Variants in TPTE observed in about 807,000 individuals in gnomAD.
TPTE encodes putative tyrosine-protein phosphatase TPTE.
A neutral mutation model predicts 84.1 loss-of-function variants in TPTE; 59 were observed. That is an observed-to-expected ratio of 0.70 (90% CI 0.57 to 0.87). TPTE has a LOEUF of 0.87. Ranked by LOEUF, TPTE falls within the 40% of genes least tolerant of loss-of-function variation. The pLI is 0.00. For synonymous variants in TPTE, 130 were observed against 223.5 expected, an observed-to-expected ratio of 0.58 and a Z score of 3.73; for missense variants, 382 against 659.6, an observed-to-expected ratio of 0.58 and a Z score of 4.61.
intron 7 of TPTE, among the ~76,000 whole-genome samples, chr21:10,548,689 TAGC>T (rs1205616873): frequency 6.6e-6 from 1 of 152,302 alleles, no homozygotes; most frequent in African/African-American, 2.4e-5. Context: ...CAGTCCAGCT[TAGC>T]AGCTATGCAC....
At chr21:10,563,791 T>TA (rs1568976487) in intron 10 of TPTE, among the ~76,000 whole-genome samples, 1 of 152,308 alleles carries the variant, frequency 6.6e-6, no homozygotes, top group African/African-American at 2.4e-5. Flanking sequence ...AGTCCTTACT[T>TA]ATCAGTAATA....
chr21:10,569,841 A>G, intron 13 of TPTE, 95 bp downstream of exon 13: 2 of 1,611,384 alleles, frequency 1.2e-6, no homozygotes, highest in Non-Finnish European at 8.5e-7. Context: ...TTCATTCAAA[A>G]TATTCTTTAT....
intron 3 of TPTE, among the ~76,000 whole-genome samples, chr21:10,536,690 A>G (rs1193649645): frequency 7.9e-5 from 12 of 152,422 alleles, no homozygotes; most frequent in Admixed American, 1.3e-4. Context: ...TACACTGTTT[A>G]TAAACCTCCT....
intron 17 of TPTE, among the ~76,000 whole-genome samples, chr21:10,579,143 C>G (rs1331040505): frequency 6.6e-6 from 1 of 152,304 alleles, no homozygotes; most frequent in East Asian, 1.9e-4. Flanking sequence ...TTCAAGTATA[C>G]ATTATTATTA....
At chr21:10,583,705 T>G (rs2075309154) in intron 17 of TPTE, among the ~76,000 whole-genome samples, 1 of 152,306 alleles carries the variant, frequency 6.6e-6, no homozygotes, top group Non-Finnish European at 1.5e-5. Flanking sequence ...GGTTCATTCC[T>G]TTTAAAATTG....
At chr21:10,548,049 A>T (rs1324943291) in intron 7 of TPTE, among the ~76,000 whole-genome samples, 1 of 152,306 alleles carries the variant, frequency 6.6e-6, no homozygotes, top group Non-Finnish European at 1.5e-5. Flanking sequence ...TGGCGTGCCC[A>T]GTAGCCCTCT....
At chr21:10,534,859 A>G (rs1242013118) in intron 3 of TPTE, among the ~76,000 whole-genome samples, 2 of 152,310 alleles carry the variant, frequency 1.3e-5, no homozygotes, top group African/African-American at 4.8e-5. Flanking sequence ...CTAGTAGCTA[A>G]AACTTTCAGA....
intron 7 of TPTE, among the ~76,000 whole-genome samples, chr21:10,545,510 C>T (rs553716076): frequency 4.9e-4 from 75 of 152,386 alleles, no homozygotes; most frequent in African/African-American, 1.7e-3. Context: ...AGCACTGGCC[C>T]GGATAAAATG....
chr21:10,545,635 T>TACACAC (rs3049867), intron 7 of TPTE, among the ~76,000 whole-genome samples: 2,395 of 150,548 alleles, frequency 0.016, 1 homozygote, highest in East Asian at 0.041. Flanking sequence ...AGGATCTATC[T>TACACAC]ACACACACAC....
intron 3 of TPTE, 33 bp from the exon 4 acceptor site, chr21:10,538,648 C>T (rs1354210605): frequency 5.0e-6 from 8 of 1,613,752 alleles, no homozygotes; most frequent in South Asian, 2.2e-5. Context: ...AATTGTGTCT[C>T]CTGTCTGACT....
Position 10,522,149 on chromosome 21 carries a change from C to G in TPTE, c.-211+455C>G, listed in dbSNP as rs1341905706. The stretch of plus-strand genomic sequence containing the variant: ...CGCCCGGCTCTCGTTGTCTTGTCCC[C>G]CCCCAGGATGACCTGAGTTCCCCGT... On this transcript the variant is annotated intron_variant, in intron 1 of 23. Transcript: ENST00000618007. 7.9e-5 allele frequency among the ~76,000 whole-genome samples: 12 copies of G among 152,370 alleles called. No individual in the cohort carries two copies. In the East Asian group the frequency reaches 9.6e-4, roughly 12 times the overall value.
chr21:10,559,258 T>A (rs1023624620), intron 8 of TPTE, among the ~76,000 whole-genome samples: 3 of 152,312 alleles, frequency 2.0e-5, no homozygotes, highest in Admixed American at 6.5e-5. Flanking sequence ...TTGCATGCAA[T>A]GGAAATGTTA....
At chr21:10,544,628 C>T (rs528536905) in intron 7 of TPTE, among the ~76,000 whole-genome samples, 29 of 152,416 alleles carry the variant, frequency 1.9e-4, no homozygotes, top group African/African-American at 6.5e-4. Flanking sequence ...TCGTGATCCA[C>T]CCGCCTCAGC....
intron 1 of TPTE, among the ~76,000 whole-genome samples, chr21:10,523,317 T>C (rs1409338209): frequency 2.0e-5 from 3 of 152,220 alleles, no homozygotes; most frequent in East Asian, 1.9e-4. Flanking sequence ...TTTTTTATTA[T>C]ACTTTAAGTT....
intron 9 of TPTE, among the ~76,000 whole-genome samples, chr21:10,559,872 TAAAAAA>T (rs61583687): frequency 1.5e-4 from 18 of 117,116 alleles, no homozygotes; most frequent in Admixed American, 1.9e-4. Context: ...AGACTCCATG[TAAAAAA>T]AAAAAAAAAA....
intron 15 of TPTE, among the ~76,000 whole-genome samples, chr21:10,577,794 GT>G (rs1365533986): frequency 6.6e-6 from 1 of 152,310 alleles, no homozygotes; most frequent in Non-Finnish European, 1.5e-5. Context: ...GCGATATTAG[GT>G]TTAGGAAAAT....
At chr21:10,536,992 A>G (rs964343571) in intron 3 of TPTE, among the ~76,000 whole-genome samples, 2 of 152,304 alleles carry the variant, frequency 1.3e-5, no homozygotes, top group African/African-American at 4.8e-5. Context: ...CTCTACCACC[A>G]TGTGAGGCTA....
intron 12 of TPTE, 34 bp from the exon 13 acceptor site, chr21:10,569,649 G>A (rs761164805): frequency 1.2e-6 from 2 of 1,614,028 alleles, no homozygotes; most frequent in Non-Finnish European, 1.7e-6. Context: ...GTTGATGAGT[G>A]TTTCACAAAC....
intron 7 of TPTE, among the ~76,000 whole-genome samples, chr21:10,546,901 G>A (rs1185939573): frequency 1.3e-5 from 2 of 152,312 alleles, no homozygotes; most frequent in Admixed American, 1.3e-4. Flanking sequence ...CGATGCAGAA[G>A]CAGCAGCAAG....
Sources: gnomAD v4.1 joint callset for allele counts (sites outside exome capture counted in the v4.1 genomes callset) on GRCh38, gnomAD v4.1.1 for gene constraint, MANE v1.5 for transcripts, NCBI Gene and HGNC (gene_info 2026-07-23, HGNC 2026-07-21) for gene names.